ADCY5: variants seen among roughly 807,000 people sequenced by gnomAD.
ADCY5 encodes adenylate cyclase 5, also known as adenylate cyclase type 5.
A neutral mutation model predicts 119.7 loss-of-function variants in ADCY5; 30 were observed. The observed-to-expected ratio is 0.25, with a 90% CI of 0.19 to 0.34. The LOEUF (loss-of-function observed/expected upper bound fraction) is 0.34, where lower values mean the gene tolerates loss of function less well. Among genes scored for constraint, ADCY5 ranks in the 10% least tolerant of loss-of-function variants. The probability of loss-of-function intolerance (pLI) is 1.00; values close to 1 mark genes in which losing one functional copy is unlikely to be tolerated. For missense variants in ADCY5, 1,324 were observed against 1,775.2 expected (o/e 0.75, Z 4.57); for synonymous variants, 753 against 762.2 (o/e 0.99, Z 0.20).
At position 123,345,769 on chromosome 3, in the gene ADCY5, G is replaced by GACACACAGACACACAC. The variant is rs1553731376; in HGVS notation, c.1406+2012_1406+2013insGTGTGTGTCTGTGTGT. 7.8e-3 allele frequency among the ~76,000 whole-genome samples: 886 copies of GACACACAGACACACAC among 113,716 alleles called. 12 individuals are homozygous for GACACACAGACACACAC. The highest frequency in any genetic ancestry group is 0.016 in the Middle Eastern group (4 of 256). 74.6% of individuals were successfully genotyped at this position (113,716 alleles called of 152,430 possible). On this transcript the variant is annotated intron_variant, in intron 3 of 20. Transcript: ENST00000462833. ...AGACAGACAGACAGACAGACAGACA[G>GACACACAGACACACAC]ACACACACACACACACACACACACA...
intron 10 of ADCY5, 69 bp downstream of exon 10, chr3:123,319,605 G>C (rs1453703129): frequency 6.3e-7 from 1 of 1,581,796 alleles, no homozygotes. Flanking sequence ...GAGCCCTCCT[G>C]TTTTCTTGCC....
At chr3:123,367,761 A>G in intron 1 of ADCY5, 1 of 1,241,634 alleles carries the variant, frequency 8.1e-7, no homozygotes, top group Non-Finnish European at 1.1e-6. Context: ...GCCTTCCCCC[A>G]TCCCCTAGCC....
At chr3:123,296,268 GCT>G in intron 16 of ADCY5, 52 bp from the exon 17 acceptor site, 1 of 1,586,516 alleles carries the variant, frequency 6.3e-7, no homozygotes, top group Non-Finnish European at 8.6e-7. Flanking sequence ...CTCACAGCGG[GCT>G]CTGAGGACCC....
chr3:123,435,373 C>G (rs1465152527), intron 1 of ADCY5, among the ~76,000 whole-genome samples: 1 of 152,148 alleles, frequency 6.6e-6, no homozygotes, highest in Non-Finnish European at 1.5e-5. Context: ...CTGGTTTCAT[C>G]TGAATAGTAG....
chr3:123,345,589 C>A (rs1197945629), intron 3 of ADCY5, among the ~76,000 whole-genome samples: 1 of 152,110 alleles, frequency 6.6e-6, no homozygotes. Context: ...GTGGGCTACC[C>A]CTTCCCACTT....
intron 1 of ADCY5, among the ~76,000 whole-genome samples, chr3:123,388,778 G>A (rs1944312134): frequency 6.6e-6 from 1 of 152,222 alleles, no homozygotes; most frequent in Non-Finnish European, 1.5e-5. Flanking sequence ...GTGGCAGCCA[G>A]GGGCCCCCAA....
At position 123,303,833 on chromosome 3, in the gene ADCY5, AAAGAAAAGAGAAGAGAAGAG is replaced by A. The variant is rs1416801457; in HGVS notation, c.2559+214_2559+233del. Among the ~76,000 whole-genome samples, 261 of 114,998 alleles carry A rather than the reference AAAGAAAAGAGAAGAGAAGAG, an allele frequency of 2.3e-3. 1 individual carries two copies. Among genetic ancestry groups the A allele is most frequent in the African/African-American group, 6.5e-3 (217 of 33,344 alleles). 75.4% of individuals were successfully genotyped at this position (114,998 alleles called of 152,430 possible). ...GAGTAAGACTCTGTCTCAAAACTGG[AAAGAAAAGAGAAGAGAAGAG>A]AAGAGAAGAGAAGAGAAGAGAAGAG... On this transcript the variant is annotated intron_variant, in intron 13 of 20. Transcript: ENST00000462833.
At chr3:123,374,062 T>A (rs1276077176) in intron 1 of ADCY5, among the ~76,000 whole-genome samples, 1 of 152,074 alleles carries the variant, frequency 6.6e-6, no homozygotes, top group Non-Finnish European at 1.5e-5. Context: ...ACCACACAAG[T>A]GGATGCTGAA....
At chr3:123,346,958 G>A (rs1029546857) in intron 3 of ADCY5, among the ~76,000 whole-genome samples, 20 of 152,182 alleles carry the variant, frequency 1.3e-4, no homozygotes, top group Admixed American at 2.0e-4. Flanking sequence ...CTGTTTGCAC[G>A]TCCCTGCTGT....
At chr3:123,426,314 G>GTTT (rs10663844) in intron 1 of ADCY5, among the ~76,000 whole-genome samples, 11 of 142,846 alleles carry the variant, frequency 7.7e-5, no homozygotes, top group Non-Finnish European at 1.2e-4. Context: ...TTTTTTGTTT[G>GTTT]TTTTTGTTTG....
At chr3:123,310,507 C>T (rs1181403523) in intron 12 of ADCY5, among the ~76,000 whole-genome samples, 1 of 152,196 alleles carries the variant, frequency 6.6e-6, no homozygotes, top group African/African-American at 2.4e-5. Flanking sequence ...CTCGGAATTC[C>T]AGCCTCAGGT....
chr3:123,433,734 C>A (rs1279288947), intron 1 of ADCY5, among the ~76,000 whole-genome samples: 2 of 152,108 alleles, frequency 1.3e-5, no homozygotes, highest in Non-Finnish European at 2.9e-5. Context: ...AAGAGGTGAT[C>A]CTGATGGGTC....
chr3:123,352,310 C>T lies in ADCY5; in HGVS notation c.1284+122G>A. ...GGAAACATTCCCCATGGGTTGGTCC[C>T]CTCCCGGGGAGTGGGGCTGGCAGCC... On this transcript the variant is annotated intron_variant, in intron 2 of 20. Transcript: ENST00000462833. The surrounding 1 kb of genome is among the most constrained non-coding windows in gnomAD (Gnocchi z 4.8). The T allele has an allele frequency of 7.8e-7, 1 of 1,283,730 alleles. No homozygotes were observed. The highest frequency in any genetic ancestry group is 1.0e-6 in the Non-Finnish European group (1 of 960,962). 79.5% of individuals were successfully genotyped at this position (1,283,730 alleles called of 1,614,324 possible). A position where few individuals can be genotyped will look rare whatever the true frequency, so the allele number is the denominator to read the frequency against.
intron 12 of ADCY5, among the ~76,000 whole-genome samples, chr3:123,308,693 G>A (rs934042838): frequency 6.6e-6 from 1 of 152,250 alleles, no homozygotes; most frequent in East Asian, 1.9e-4. Context: ...GCCGGGCTTG[G>A]TGGCAGGCAC....
chr3:123,434,103 C>G (rs1440339766), intron 1 of ADCY5, among the ~76,000 whole-genome samples: 2 of 152,216 alleles, frequency 1.3e-5, no homozygotes, highest in Non-Finnish European at 2.9e-5. Flanking sequence ...GGGCCCTCCA[C>G]ACAGCTTCTG....
rs1938794666 is a variant in ADCY5, at chr3:123,286,729, C to T, written c.3613G>A (p.Val1205Met). The change falls in exon 20 of 21, where the codon GTG becomes ATG. Residue 1205 changes from valine to methionine, a missense_variant. By Grantham distance (21) the Val-to-Met change is conservative (BLOSUM62 1). Around this residue, in one of 6 missense-constraint regions of ADCY5, gnomAD observed 178 missense variants for 329.6 expected, o/e 0.54. Coordinates refer to ENST00000462833, the MANE Select transcript of ADCY5 (RefSeq NM_183357.3). This position sits in a 1 kb window ranked among gnomAD's most constrained non-coding sequence, Gnocchi z 4.2. ...CCGGTGCTGTCCATGCGGCTGGCCA[C>T]GTTCACGGTATTGCCCCAGATGTCG... ...QYDIWGNTVN[V>M]ASRMDSTGVP... is the part of the protein sequence containing the mutation. 2 of 1,613,522 alleles carry T rather than the reference C, an allele frequency of 1.2e-6. No individual in the cohort carries two copies. The highest frequency in any genetic ancestry group is 1.7e-6 in the Non-Finnish European group (2 of 1,179,816).
rs143773313 is a variant in ADCY5, at chr3:123,407,040, G to A, written c.1134+40372C>T. ...ACCCAGACCTGCAGACATCTTTGGA[G>A]TTCAGCCACCACATTTCCCTGAACT... On this transcript the variant is annotated intron_variant, in intron 1 of 20. Transcript: ENST00000462833. 8.5e-5 allele frequency among the ~76,000 whole-genome samples: 13 copies of A among 152,300 alleles called. No individual in the cohort carries two copies. In the East Asian group the frequency reaches 2.5e-3, roughly 29 times the overall value.
intron 3 of ADCY5, among the ~76,000 whole-genome samples, chr3:123,342,157 CAT>C (rs1942318172): frequency 6.6e-6 from 1 of 152,188 alleles, no homozygotes; most frequent in African/African-American, 2.4e-5. Context: ...GGCCCCTCCT[CAT>C]GTGGTCTGTT....
chr3:123,327,805 G>A (rs1404996867), intron 6 of ADCY5, 46 bp from the exon 7 acceptor site: 7 of 1,602,870 alleles, frequency 4.4e-6, no homozygotes, highest in Admixed American at 1.7e-5. Flanking sequence ...AAAACTCAAA[G>A]TCATAATGTC....
Sources: allele counts gnomAD v4.1 joint callset (sites outside exome capture counted in the v4.1 genomes callset), GRCh38; gene constraint gnomAD v4.1.1; regional missense constraint gnomAD v4.1.1; non-coding constraint Gnocchi (gnomAD v3.1); transcripts MANE v1.5; gene names NCBI Gene and HGNC (gene_info 2026-07-23, HGNC 2026-07-21).